Variants in FLT1 observed in about 807,000 individuals in gnomAD.
The protein encoded by FLT1 is fms related receptor tyrosine kinase 1.
A neutral mutation model predicts 156.3 loss-of-function variants in FLT1; 49 were observed. The observed-to-expected ratio is 0.31, with a 90% CI of 0.25 to 0.40. The LOEUF is 0.40. Ranked by LOEUF, FLT1 falls within the 10% of genes least tolerant of loss-of-function variation. FLT1 has a pLI of 1.00. For missense variants in FLT1, 1,322 were observed against 1,637.2 expected, an observed-to-expected ratio of 0.81 and a Z score of 3.32; for synonymous variants, 594 against 583.8, an observed-to-expected ratio of 1.02 and a Z score of -0.25.
intron 4 of FLT1, among the ~76,000 whole-genome samples, chr13:28,434,824 A>C (rs1258899071): frequency 6.6e-6 from 1 of 152,220 alleles, no homozygotes; most frequent in African/African-American, 2.4e-5. Context: ...CAGAGGTTGC[A>C]GTGAGCTGAG....
At chr13:28,411,801 T>C (rs1006435625) in intron 10 of FLT1, among the ~76,000 whole-genome samples, 1 of 152,158 alleles carries the variant, frequency 6.6e-6, no homozygotes, top group African/African-American at 2.4e-5. Context: ...TGGGAATGAA[T>C]GTTTATATAA....
At position 28,388,279 on chromosome 13, in the gene FLT1, G is replaced by A. The variant is rs565536476; in HGVS notation, c.1969+1517C>T. The A allele has an allele frequency of 8.5e-6, 9 of 1,056,384 alleles. 1 individual carries two copies. Among genetic ancestry groups the A allele is most frequent in the African/African-American group, 4.9e-5 (3 of 60,688 alleles). The allele number at this position is 1,056,384 out of a possible 1,614,324, so 65.4% of individuals were successfully genotyped here. ...GAAATGCTATTGTTTACTCTTTCACGTTTGACAAAAGCAATTCCCACGTGA... is the reference window on the plus strand; with the variant it reads ...GAAATGCTATTGTTTACTCTTTCACATTTGACAAAAGCAATTCCCACGTGA... On this transcript the variant is annotated intron_variant, in intron 13 of 29. Coordinates refer to ENST00000282397, the MANE Select transcript of FLT1 (RefSeq NM_002019.4).
chr13:28,444,991 C>A (rs1878530842), intron 3 of FLT1, among the ~76,000 whole-genome samples: 1 of 151,928 alleles, frequency 6.6e-6, no homozygotes, highest in Non-Finnish European at 1.5e-5. Context: ...AAAACTAAAC[C>A]TAGAGAAAGC....
intron 14 of FLT1, among the ~76,000 whole-genome samples, chr13:28,366,616 C>G (rs1396543531): frequency 6.6e-6 from 1 of 151,960 alleles, no homozygotes; most frequent in African/African-American, 2.4e-5. Context: ...ATTACAGGCG[C>G]CTGCCACCAC....
chr13:28,303,493 C>CCT (rs1491390838), intron 29 of FLT1, 125 bp from the exon 30 acceptor site: 2 of 321,400 alleles, frequency 6.2e-6, no homozygotes, highest in African/African-American at 1.6e-4. Flanking sequence ...GGTTTTGGAA[C>CCT]CCCCCCCCCC....
chr13:28,310,838 A>T (rs1439230373), intron 27 of FLT1, among the ~76,000 whole-genome samples: 1 of 152,246 alleles, frequency 6.6e-6, no homozygotes, highest in Non-Finnish European at 1.5e-5. Context: ...TAAGATAGAC[A>T]AGAAACTTAA....
intron 10 of FLT1, among the ~76,000 whole-genome samples, chr13:28,408,303 C>A (rs527486085): frequency 6.6e-6 from 1 of 152,304 alleles, no homozygotes; most frequent in Admixed American, 6.5e-5. Flanking sequence ...ACACCTCCCC[C>A]ATCCCACACC....
rs1387294885 is a variant in FLT1 at position 28,300,380 on chromosome 13, T to C, written c.*2787A>G. On this transcript the variant is annotated 3_prime_UTR_variant, in exon 30 of 30. Transcript: ENST00000282397. The stretch of plus-strand genomic sequence containing the variant: ...GGAAGTTTATTATATGAAGATGGTA[T>C]ACAAAATACATTCATCATGACTAGA... The C allele has an allele frequency of 4.3e-6, 1 of 233,168 alleles. No homozygotes were observed. Among genetic ancestry groups the C allele is most frequent in the Non-Finnish European group, 8.5e-6 (1 of 118,054 alleles). 14.4% of individuals were successfully genotyped at this position (233,168 alleles called of 1,614,324 possible).
intron 1 of FLT1, among the ~76,000 whole-genome samples, chr13:28,476,347 T>C (rs1307330252): frequency 6.6e-6 from 1 of 152,218 alleles, no homozygotes; most frequent in Non-Finnish European, 1.5e-5. Flanking sequence ...TATGAAGCTG[T>C]GACTCACTGC....
intron 4 of FLT1, among the ~76,000 whole-genome samples, chr13:28,435,334 A>G (rs1877962349): frequency 6.6e-6 from 1 of 152,216 alleles, no homozygotes; most frequent in Admixed American, 6.5e-5. Flanking sequence ...TGTAACATTT[A>G]AAGACTACAA....
At chr13:28,405,037 GA>G (rs750862472) in intron 11 of FLT1, among the ~76,000 whole-genome samples, 4 of 145,236 alleles carry the variant, frequency 2.8e-5, no homozygotes, top group African/African-American at 1.0e-4. Context: ...AAAAAAAAAA[GA>G]AAAGAAAAGA....
intron 29 of FLT1, 71 bp from the exon 30 acceptor site, chr13:28,303,439 C>T: frequency 7.3e-7 from 1 of 1,368,088 alleles, no homozygotes; most frequent in Non-Finnish European, 1.0e-6. Context: ...CTAAAATCTA[C>T]TCTTTCTGAG....
intron 1 of FLT1, among the ~76,000 whole-genome samples, chr13:28,490,089 T>A (rs755615554): frequency 2.0e-5 from 3 of 152,204 alleles, no homozygotes; most frequent in Non-Finnish European, 2.9e-5. Flanking sequence ...TCAGGTTCTG[T>A]TCCTAGGCCT....
intron 10 of FLT1, among the ~76,000 whole-genome samples, chr13:28,412,799 C>T (rs1301433432): frequency 1.4e-5 from 2 of 145,448 alleles, no homozygotes; most frequent in Non-Finnish European, 3.0e-5. Context: ...TGCAGTGGCG[C>T]GATCTCGGCT....
intron 12 of FLT1, among the ~76,000 whole-genome samples, chr13:28,394,559 G>A (rs1269661769): frequency 6.6e-6 from 1 of 152,174 alleles, no homozygotes; most frequent in Non-Finnish European, 1.5e-5. Context: ...GGTTGGTGCT[G>A]TGACTAATGC....
At chr13:28,392,372 T>A (rs1227484673) in intron 12 of FLT1, among the ~76,000 whole-genome samples, 2 of 152,306 alleles carry the variant, frequency 1.3e-5, no homozygotes, top group Admixed American at 1.3e-4. Flanking sequence ...TCAGCATCTT[T>A]TTATATTTGG....
Position 28,301,500 on chromosome 13 carries a change from A to AT in FLT1, c.*1666dup, listed in dbSNP as rs555668854. 38 of 233,204 alleles carry AT rather than the reference A, an allele frequency of 1.6e-4. 1 individual carries two copies. The highest frequency in any genetic ancestry group is 1.6e-3 in the Admixed American group (29 of 17,800). 14.4% of individuals were successfully genotyped at this position (233,204 alleles called of 1,614,324 possible). ...GAGCCTTTAAACAAGGATGTGGCAC[A>AT]TAAGAACAGAGGCATACATTCTTCG... On this transcript the variant is annotated 3_prime_UTR_variant, in exon 30 of 30. Coordinates refer to ENST00000282397, the MANE Select transcript of FLT1 (RefSeq NM_002019.4).
intron 14 of FLT1, chr13:28,368,498 T>G (rs1832561589): frequency 6.5e-7 from 1 of 1,531,036 alleles, no homozygotes. Flanking sequence ...AAAGGATAAG[T>G]TCTTTGAAGT....
intron 17 of FLT1, among the ~76,000 whole-genome samples, chr13:28,336,388 C>G (rs1000391035): frequency 6.6e-6 from 1 of 152,246 alleles, no homozygotes; most frequent in African/African-American, 2.4e-5. Flanking sequence ...CCAGTTGCAT[C>G]AGACTTGACC....
Sources: allele counts gnomAD v4.1 joint callset (sites outside exome capture counted in the v4.1 genomes callset), GRCh38; gene constraint gnomAD v4.1.1; transcripts MANE v1.5; gene names NCBI Gene and HGNC (gene_info 2026-07-23, HGNC 2026-07-21).